CTNNA2: variants seen among roughly 807,000 people sequenced by gnomAD.
CTNNA2 encodes the protein catenin alpha-2.
Under a neutral mutation model 101.0 loss-of-function variants are expected in CTNNA2, and 42 were observed. The ratio of observed to expected loss-of-function variants is 0.42; its 90% CI spans 0.32 to 0.54. The LOEUF (loss-of-function observed/expected upper bound fraction) is 0.54, where lower values mean the gene tolerates loss of function less well. CTNNA2 is among the 20% of genes least tolerant of loss of function. The pLI is 0.14. For missense variants in CTNNA2, 871 were observed against 1,223.1 expected (o/e 0.71, Z 4.29); for synonymous variants, 450 against 456.4 (o/e 0.99, Z 0.18).
At chr2:79,383,147 AGGTCCTGG>A (rs908530667) in intron 4 of CTNNA2, among the ~76,000 whole-genome samples, 5 of 152,236 alleles carry the variant, frequency 3.3e-5, no homozygotes, top group African/African-American at 1.2e-4. Flanking sequence ...AGGAAGACAG[AGGTCCTGG>A]GGATAGAAGT....
chr2:79,639,448 G>C (rs1680297440), intron 1 of CTNNA2, among the ~76,000 whole-genome samples: 1 of 152,064 alleles, frequency 6.6e-6, no homozygotes, highest in Non-Finnish European at 1.5e-5. Context: ...GGCTTTCAAG[G>C]AAATAATTGA....
chr2:79,549,064 A>G (rs1346767439), intron 1 of CTNNA2, among the ~76,000 whole-genome samples: 3 of 152,102 alleles, frequency 2.0e-5, no homozygotes, highest in African/African-American at 7.2e-5. Flanking sequence ...TACTTCAGAA[A>G]CTCAGGCTTA....
intron 3 of CTNNA2, among the ~76,000 whole-genome samples, chr2:79,317,634 C>T (rs1676527452): frequency 6.6e-6 from 1 of 152,022 alleles, no homozygotes; most frequent in African/African-American, 2.4e-5. Context: ...TACCTGGGTT[C>T]TCACTCCAAA....
chr2:80,182,019 G>T (rs1031663618), intron 7 of CTNNA2, among the ~76,000 whole-genome samples: 1 of 152,114 alleles, frequency 6.6e-6, no homozygotes, highest in South Asian at 2.1e-4. Context: ...AGAGATACAG[G>T]ACTAATAGGA....
chr2:79,624,850 G>A (rs1553439040), intron 1 of CTNNA2, among the ~76,000 whole-genome samples: 1 of 152,130 alleles, frequency 6.6e-6, no homozygotes, highest in Non-Finnish European at 1.5e-5. Flanking sequence ...TGTGATGTAG[G>A]GGAAGGGATT....
Position 79,583,909 on chromosome 2 carries a change from TTCTTTAACCTGA to T in CTNNA2, c.-5-67637_-5-67626del, listed in dbSNP as rs1488677993. ...ATGTCCTATTTTTTTCTTCATTGTTTTCTTTAACCTGATCTTTGAGCATTCATTATTCCCATA... is the reference window on the plus strand; with the variant it reads ...ATGTCCTATTTTTTTCTTCATTGTTTTCTTTGAGCATTCATTATTCCCATA... On this transcript the variant is annotated intron_variant, in intron 1 of 18. Transcript: ENST00000402739. Among the ~76,000 whole-genome samples, 6 of 152,192 alleles carry T rather than the reference TTCTTTAACCTGA, an allele frequency of 3.9e-5. No individual in the cohort carries two copies. The East Asian group carries it at 1.2e-3, about 29-fold the overall frequency.
chr2:80,020,695 C>T (rs932265028), intron 7 of CTNNA2, among the ~76,000 whole-genome samples: 4 of 152,106 alleles, frequency 2.6e-5, no homozygotes, highest in African/African-American at 9.7e-5. Flanking sequence ...TAAAGGGTTT[C>T]TTGTGTTCTC....
At chr2:79,872,672 T>C (rs1396424083) in intron 5 of CTNNA2, among the ~76,000 whole-genome samples, 3 of 152,240 alleles carry the variant, frequency 2.0e-5, no homozygotes, top group East Asian at 3.8e-4. Context: ...ATTACCAATT[T>C]TCGTGACAAT....
chr2:79,998,241 T>A (rs1400030068), intron 7 of CTNNA2, among the ~76,000 whole-genome samples: 1 of 152,234 alleles, frequency 6.6e-6, no homozygotes, highest in Non-Finnish European at 1.5e-5. Context: ...TTGAAACTAT[T>A]TAAATACATG....
At chr2:80,123,442 G>A (rs1345183764) in intron 7 of CTNNA2, among the ~76,000 whole-genome samples, 1 of 147,498 alleles carries the variant, frequency 6.8e-6, no homozygotes, top group African/African-American at 2.5e-5. Flanking sequence ...ATTGTTAGTG[G>A]TGCAGAAAAA....
chr2:80,000,849 G>A (rs1236331336), intron 7 of CTNNA2, among the ~76,000 whole-genome samples: 1 of 152,148 alleles, frequency 6.6e-6, no homozygotes, highest in Non-Finnish European at 1.5e-5. Flanking sequence ...AAGAGAAAAG[G>A]CCAACAAGCG....
intron 3 of CTNNA2, among the ~76,000 whole-genome samples, chr2:79,791,243 G>C (rs1424647569): frequency 6.6e-6 from 1 of 152,100 alleles, no homozygotes; most frequent in Non-Finnish European, 1.5e-5. Context: ...AACAGAGTGG[G>C]AGGTTGGCAT....
intron 7 of CTNNA2, among the ~76,000 whole-genome samples, chr2:80,336,620 A>G (rs1236866000): frequency 6.6e-6 from 1 of 152,226 alleles, no homozygotes; most frequent in East Asian, 1.9e-4. Context: ...TCAAACCCCT[A>G]TATAGTACTT....
At chr2:79,417,926 T>C (rs1678500741) in intron 4 of CTNNA2, among the ~76,000 whole-genome samples, 1 of 152,098 alleles carries the variant, frequency 6.6e-6, no homozygotes, top group Non-Finnish European at 1.5e-5. Context: ...GTTTCATTGA[T>C]GGAGGTTGGC....
chr2:79,766,076 G>A (rs1346811176), intron 3 of CTNNA2, among the ~76,000 whole-genome samples: 2 of 152,186 alleles, frequency 1.3e-5, no homozygotes, highest in African/African-American at 2.4e-5. Flanking sequence ...CGCAGTCAGT[G>A]TTATAATATT....
intron 2 of CTNNA2, among the ~76,000 whole-genome samples, chr2:79,229,473 C>A (rs1243543610): frequency 6.6e-6 from 1 of 152,118 alleles, no homozygotes; most frequent in African/African-American, 2.4e-5. Context: ...AAGAAGTGCC[C>A]TCCACCATGA....
intron 18 of CTNNA2, among the ~76,000 whole-genome samples, chr2:80,620,302 T>TGGC (rs1670980878): frequency 6.8e-6 from 1 of 146,280 alleles, no homozygotes; most frequent in East Asian, 2.0e-4. Context: ...ATGATGAACA[T>TGGC]TTGTGTTGGA....
intron 2 of CTNNA2, among the ~76,000 whole-genome samples, chr2:79,236,452 T>A (rs540460155): frequency 6.6e-6 from 1 of 152,330 alleles, no homozygotes; most frequent in South Asian, 2.1e-4. Flanking sequence ...ATTTTGCTGG[T>A]GGAGGGTCTT....
At chr2:80,437,946 C>A (rs1487570892) in intron 9 of CTNNA2, among the ~76,000 whole-genome samples, 1 of 152,178 alleles carries the variant, frequency 6.6e-6, no homozygotes, top group African/African-American at 2.4e-5. Context: ...TGCAGTCAGC[C>A]GAGACTGGGC....
Sources: allele counts gnomAD v4.1 joint callset (sites outside exome capture counted in the v4.1 genomes callset), GRCh38; gene constraint gnomAD v4.1.1; transcripts MANE v1.5; gene names NCBI Gene and HGNC (gene_info 2026-07-23, HGNC 2026-07-21).